The following PKN2 variants were observed in gnomAD, a reference collection of about 807,000 sequenced individuals.
PKN2 encodes the protein serine/threonine-protein kinase N2.
A neutral mutation model predicts 119.1 loss-of-function variants in PKN2; 38 were observed. That is an observed-to-expected ratio of 0.32 (90% CI 0.25 to 0.42). The LOEUF (loss-of-function observed/expected upper bound fraction) is 0.42. PKN2 is among the 10% of genes least tolerant of loss of function. The pLI is 1.00. For missense variants in PKN2, 850 were observed against 1,165.1 expected (o/e 0.73, Z 3.94); for synonymous variants, 390 against 384.9 (o/e 1.01, Z -0.15).
At chr1:88,692,810 G>C (rs1483162528) in intron 1 of PKN2, among the ~76,000 whole-genome samples, 1 of 152,138 alleles carries the variant, frequency 6.6e-6, no homozygotes, top group African/African-American at 2.4e-5. Flanking sequence ...CTTTTATGGA[G>C]TTGTGTGGGA....
intron 1 of PKN2, among the ~76,000 whole-genome samples, chr1:88,717,746 T>A (rs1042033428): frequency 1.3e-5 from 2 of 152,092 alleles, no homozygotes; most frequent in African/African-American, 4.8e-5. Context: ...AACATCCTCC[T>A]TTAGCTCGGA....
chr1:88,741,357 G>A (rs1014216370), intron 2 of PKN2, 69 bp downstream of exon 2: 6 of 1,029,090 alleles, frequency 5.8e-6, no homozygotes, highest in Non-Finnish European at 8.0e-6. Flanking sequence ...TTAGAAAATA[G>A]TAAGTTTGGG....
At chr1:88,710,410 A>G (rs573108961) in intron 1 of PKN2, among the ~76,000 whole-genome samples, 44 of 152,318 alleles carry the variant, frequency 2.9e-4, no homozygotes, top group African/African-American at 7.2e-4. Flanking sequence ...TTTACATTCT[A>G]TGGTATTTTT....
chr1:88,765,361 T>C (rs1669626194), intron 3 of PKN2, among the ~76,000 whole-genome samples: 1 of 152,062 alleles, frequency 6.6e-6, no homozygotes, highest in South Asian at 2.1e-4. Flanking sequence ...TTGGGGTTCT[T>C]ACTAGCATCT....
At chr1:88,811,191 A>G (rs1671769145) in intron 15 of PKN2, among the ~76,000 whole-genome samples, 1 of 152,112 alleles carries the variant, frequency 6.6e-6, no homozygotes, top group Non-Finnish European at 1.5e-5. Flanking sequence ...ATGCCTCCTC[A>G]CTCAGCTTCC....
chr1:88,690,540 G>A (rs995648275), intron 1 of PKN2, among the ~76,000 whole-genome samples: 34 of 152,050 alleles, frequency 2.2e-4, no homozygotes, highest in Admixed American at 2.2e-3. Flanking sequence ...CTAGTTAAAA[G>A]CTTTAAAAAG....
At chr1:88,729,719 C>T (rs1255047788) in intron 1 of PKN2, among the ~76,000 whole-genome samples, 1 of 152,210 alleles carries the variant, frequency 6.6e-6, no homozygotes, top group Non-Finnish European at 1.5e-5. Context: ...AGACTACCCT[C>T]AGAGTCCATG....
intron 1 of PKN2, among the ~76,000 whole-genome samples, chr1:88,691,502 T>A (rs1045229333): frequency 6.6e-6 from 1 of 152,220 alleles, no homozygotes; most frequent in Non-Finnish European, 1.5e-5. Flanking sequence ...TTTGGATTTT[T>A]AAAAAATTTG....
chr1:88,831,062 G>A (rs556240828), intron 19 of PKN2, among the ~76,000 whole-genome samples: 27 of 151,906 alleles, frequency 1.8e-4, no homozygotes, highest in Non-Finnish European at 2.9e-4. Context: ...AACAAACATC[G>A]CAAGTCCCCT....
At chr1:88,773,895 C>T (rs1038490712) in intron 6 of PKN2, among the ~76,000 whole-genome samples, 5 of 152,130 alleles carry the variant, frequency 3.3e-5, no homozygotes, top group African/African-American at 1.2e-4. Context: ...ACAGTCCCCC[C>T]ACAAAACTGC....
At chr1:88,689,206 G>C (rs1161432390) in intron 1 of PKN2, among the ~76,000 whole-genome samples, 5 of 152,152 alleles carry the variant, frequency 3.3e-5, no homozygotes, top group Non-Finnish European at 5.9e-5. Flanking sequence ...ATGTATTACA[G>C]AAAATCCAGA....
At chr1:88,789,283 C>G (rs906452736) in intron 8 of PKN2, among the ~76,000 whole-genome samples, 2 of 152,060 alleles carry the variant, frequency 1.3e-5, no homozygotes, top group Non-Finnish European at 1.5e-5. Flanking sequence ...AAGATGCAGA[C>G]AGTTGAGATT....
chr1:88,824,783 C>T (rs1337593701), intron 18 of PKN2, among the ~76,000 whole-genome samples: 3 of 152,182 alleles, frequency 2.0e-5, no homozygotes. Context: ...ATAGGTATCT[C>T]ATGTATGTTT....
intron 8 of PKN2, among the ~76,000 whole-genome samples, chr1:88,799,685 T>G (rs1226239736): frequency 6.6e-6 from 1 of 152,180 alleles, no homozygotes; most frequent in Non-Finnish European, 1.5e-5. Context: ...TTTTTAAGAT[T>G]TAGTCTAAAT....
At chr1:88,832,994 T>C (rs1672792402) in intron 20 of PKN2, 83 bp from the exon 21 acceptor site, 9 of 1,353,792 alleles carry the variant, frequency 6.6e-6, no homozygotes, top group Non-Finnish European at 9.1e-6. Flanking sequence ...AAAATATATC[T>C]AAGTTTTTTA....
At position 88,807,751 on chromosome 1, in the gene PKN2, T is replaced by C. The variant is rs1671608054; in HGVS notation, c.2078T>C (p.Ile693Thr). Reference sequence around the variant, plus strand: ...ATAAAAGCCTTAAAGAAAGGAGATATTGTGGCTCGAGATGAAGTAGACAGG... The same window carrying C: ...ATAAAAGCCTTAAAGAAAGGAGATACTGTGGCTCGAGATGAAGTAGACAGG... ...FAIKALKKGD[I>T]VARDEVDSLM... Residue 693 changes from isoleucine (I) to threonine (T), a missense_variant, in exon 15 of 22, where the codon ATT becomes ACT. By Grantham distance (89) the Ile-to-Thr change is moderately conservative. Transcript: ENST00000370521. 2 of 1,598,554 alleles carry C rather than the reference T, an allele frequency of 1.3e-6. No individual in the cohort carries two copies. The highest frequency in any genetic ancestry group is 1.1e-5 in the South Asian group (1 of 87,832).
At chr1:88,776,062 CGT>C (rs1486863419) in intron 6 of PKN2, among the ~76,000 whole-genome samples, 6 of 150,174 alleles carry the variant, frequency 4.0e-5, no homozygotes, top group South Asian at 2.1e-4. Context: ...GAGCCGAGAT[CGT>C]GCCACTGCAC....
At chr1:88,753,533 G>C (rs184356183) in intron 2 of PKN2, among the ~76,000 whole-genome samples, 23 of 152,132 alleles carry the variant, frequency 1.5e-4, no homozygotes, top group Middle Eastern at 3.4e-3. Context: ...AAAGAAAAGA[G>C]CTTTAATTGG....
chr1:88,725,591 GT>G (rs1456388776), intron 1 of PKN2, among the ~76,000 whole-genome samples: 1 of 152,100 alleles, frequency 6.6e-6, no homozygotes, highest in Non-Finnish European at 1.5e-5. Context: ...TAAATTGGTT[GT>G]TTCATTACTG....
Sources: gnomAD v4.1 joint callset for allele counts (sites outside exome capture counted in the v4.1 genomes callset) on GRCh38, gnomAD v4.1.1 for gene constraint, MANE v1.5 for transcripts, NCBI Gene and HGNC (gene_info 2026-07-23, HGNC 2026-07-21) for gene names.